CDC42BPG: variants seen among roughly 807,000 people sequenced by gnomAD.
CDC42BPG encodes CDC42 binding protein kinase gamma.
Under a neutral mutation model 192.2 loss-of-function variants are expected in CDC42BPG, and 157 were observed. The observed-to-expected ratio is 0.82, with a 90% confidence interval of 0.72 to 0.93. The LOEUF (loss-of-function observed/expected upper bound fraction) is 0.93. Ranked by LOEUF, CDC42BPG falls within the 40% of genes least tolerant of loss-of-function variation. CDC42BPG has a pLI of 0.00. For synonymous variants in CDC42BPG, 981 were observed against 918.5 expected, an observed-to-expected ratio of 1.07 and a Z score of -1.23; for missense variants, 1,992 against 2,122.1, an observed-to-expected ratio of 0.94 and a Z score of 1.20.
In CDC42BPG at chr11:64,839,483, C is replaced by G; in HGVS notation, c.670G>C (p.Gly224Arg). The change falls in exon 6 of 37, where the codon GGC (glycine) becomes CGC (arginine). Residue 224 changes from glycine to arginine, a missense_variant. This residue lies in a region of CDC42BPG where 1,656 missense variants were observed against 1,844.3 expected (regional missense o/e 0.90). Coordinates refer to ENST00000342711, the MANE Select transcript of CDC42BPG (RefSeq NM_017525.3). The stretch of plus-strand genomic sequence containing the variant: ...CTCTGGGGCGGGGTCCTTACCATGC[C>G]GTTGGTGTTGAGACGCAGGCAGGAG... ...FGSCLRLNTN[G>R]MVDSSVAVGT... 6.2e-7 allele frequency: 1 copy of G among 1,613,124 alleles called. No homozygotes were observed. Among genetic ancestry groups the G allele is most frequent in the Non-Finnish European group, 8.5e-7 (1 of 1,179,920 alleles).
At position 64,824,108 on chromosome 11, in the gene CDC42BPG, T is replaced by C. The variant is rs1336148581; in HGVS notation, c.*365A>G. On this transcript the variant is annotated 3_prime_UTR_variant, in exon 37 of 37. Coordinates refer to ENST00000342711, the MANE Select transcript of CDC42BPG (RefSeq NM_017525.3). ...CAGTCCACAGATAAGACCTCCAACC[T>C]GTTCCCAGAGACCCAGTCCCTCTCC... The C allele has an allele frequency of 3.0e-6, 1 of 335,224 alleles. No homozygotes were observed. The highest frequency in any genetic ancestry group is 5.7e-6 in the Non-Finnish European group (1 of 176,546). The allele number at this position is 335,224 out of a possible 1,614,324, so 20.8% of individuals were successfully genotyped here. A position where few individuals can be genotyped will look rare whatever the true frequency, so the allele number is the denominator to read the frequency against.
At chr11:64,827,911 C>A (rs1592684861) in intron 30 of CDC42BPG, 128 bp from the exon 31 acceptor site, 1 of 709,640 alleles carries the variant, frequency 1.4e-6, no homozygotes, top group East Asian at 2.7e-5. Flanking sequence ...CTCCCTGTCG[C>A]CCGGCCCAGC....
At position 64,833,835 on chromosome 11, in the gene CDC42BPG, T is replaced by A; in HGVS notation, c.2468A>T (p.Lys823Met). 1 of 1,614,250 alleles carries A rather than the reference T, an allele frequency of 6.2e-7. No homozygotes were observed. ...IPFLSFRSSE[K>M]DSAKDPGISG... The stretch of plus-strand genomic sequence containing the variant: ...GATGCCAGGGTCCTTGGCAGAATCC[T>A]TCTGGGGGTGGGAGAGAGAGGAGCA... Residue 823 changes from lysine (K) to methionine (M), a missense_variant and splice_region_variant, in exon 22 of 37, where the codon AAG becomes ATG. By Grantham distance (95) the Lys-to-Met change is moderately conservative. This residue lies in a region of CDC42BPG where 1,656 missense variants were observed against 1,844.3 expected (regional missense o/e 0.90). Transcript: ENST00000342711.
At chr11:64,826,836 AAGG>A (rs1942445408) in intron 34 of CDC42BPG, 42 bp from the exon 35 acceptor site, 3 of 1,468,252 alleles carry the variant, frequency 2.0e-6, no homozygotes, top group South Asian at 1.4e-5. Flanking sequence ...TAGCAGGCAC[AAGG>A]AGGACAAGAG....
At chr11:64,840,429 T>C (rs2136395215) in intron 4 of CDC42BPG, 124 bp downstream of exon 4, 1 of 1,372,250 alleles carries the variant, frequency 7.3e-7, no homozygotes. Flanking sequence ...GCCCAGGAAC[T>C]GGTGGGAAGT....
At chr11:64,832,548 CCT>C (rs1565678537) in intron 26 of CDC42BPG, 39 bp from the exon 27 acceptor site, 2 of 1,613,830 alleles carry the variant, frequency 1.2e-6, no homozygotes, top group African/African-American at 2.7e-5. Context: ...TCTCCCTGTC[CCT>C]GACTGCCCCC....
At position 64,827,943 on chromosome 11, in the gene CDC42BPG, AC is replaced by A. The variant is rs569345312; in HGVS notation, c.3968-161del. 8.1e-4 allele frequency among the ~76,000 whole-genome samples: 123 copies of A among 152,134 alleles called. 1 individual carries two copies. Among genetic ancestry groups the A allele is most frequent in the African/African-American group, 2.9e-3 (120 of 41,492 alleles). On this transcript the variant is annotated intron_variant, in intron 30 of 36. Transcript: ENST00000342711. ...CAGCCTCCACATCAAATCAGAGATA[AC>A]CCTGGACCACTCACCACATGCCTGG...
At position 64,836,105 on chromosome 11, in the gene CDC42BPG, C is replaced by T. The variant is rs776596841; in HGVS notation, c.1668+12G>A. ...GGCCCAGGTGCTGTCCCTACCCACCCTGGTCACTCACCTCCCTCTGGGCAG... is the reference window on the plus strand; with the variant it reads ...GGCCCAGGTGCTGTCCCTACCCACCTTGGTCACTCACCTCCCTCTGGGCAG... On this transcript the variant is annotated intron_variant, in intron 13 of 36. Coordinates refer to ENST00000342711, the MANE Select transcript of CDC42BPG (RefSeq NM_017525.3). 2 of 1,592,638 alleles carry T rather than the reference C, an allele frequency of 1.3e-6. No individual in the cohort carries two copies. Among genetic ancestry groups the T allele is most frequent in the Non-Finnish European group, 1.7e-6 (2 of 1,171,604 alleles).
chr11:64,843,021 G>C (rs1044681664), intron 1 of CDC42BPG, among the ~76,000 whole-genome samples: 1 of 151,908 alleles, frequency 6.6e-6, no homozygotes, highest in Admixed American at 6.6e-5. Context: ...GAGCAGCCCC[G>C]GGCCTCCCCG....
In CDC42BPG at chr11:64,833,508, G is replaced by C. The variant is rs1942807393; in HGVS notation, c.2625+92C>G. ...ACCTCCACCCCAATTGTGCCTGCTA[G>C]CCACGATGCACGTGGAGTGTCCCCA... On this transcript the variant is annotated intron_variant, in intron 23 of 36. Transcript: ENST00000342711. 4 of 1,258,944 alleles carry C rather than the reference G, an allele frequency of 3.2e-6. No individual in the cohort carries two copies. The Admixed American group carries it at 9.1e-5, about 29-fold the overall frequency. 78.0% of individuals were successfully genotyped at this position (1,258,944 alleles called of 1,614,324 possible).
At chr11:64,824,751 TTC>T (rs1438964033) in intron 36 of CDC42BPG, among the ~76,000 whole-genome samples, 1 of 152,020 alleles carries the variant, frequency 6.6e-6, no homozygotes, top group East Asian at 1.9e-4. Context: ...CCTTTTTTTT[TTC>T]TTTTTTTCTG....
rs774455468 is a variant in CDC42BPG, at chr11:64,840,657, G to A, written c.337-9C>T. 5 of 1,613,530 alleles carry A rather than the reference G, an allele frequency of 3.1e-6. No individual in the cohort carries two copies. The South Asian group carries it at 5.5e-5, about 18-fold the overall frequency. On this transcript the variant is annotated splice_polypyrimidine_tract_variant and intron_variant, in intron 3 of 36. Transcript: ENST00000342711. Reference sequence around the variant, plus strand: ...TCCCGGAAACAGGCTGTCTGCAGCAGGTTTGGGGAAGTAAGGGGTGGGGTG... The same window carrying A: ...TCCCGGAAACAGGCTGTCTGCAGCAAGTTTGGGGAAGTAAGGGGTGGGGTG...
At position 64,835,406 on chromosome 11, in the gene CDC42BPG, C is replaced by T; in HGVS notation, c.1894G>A (p.Glu632Lys). Residue 632 changes from glutamate (E) to lysine (K), a missense_variant, in exon 16 of 37, where the codon GAG (glutamate) becomes AAG (lysine). Transcript: ENST00000342711. The part of the protein sequence containing the change: ...QAHSHRPSGK[E>K]EALCQLQEEN... ...TCCTGCAGCTGGCACAGAGCCTCCT[C>T]CTTACCACTCGGCCTGGGGAGGAGA... 1 of 1,613,812 alleles carries T rather than the reference C, an allele frequency of 6.2e-7. No homozygotes were observed. Among genetic ancestry groups the T allele is most frequent in the South Asian group, 1.1e-5 (1 of 91,090 alleles).
Position 64,824,542 on chromosome 11 carries a change from G to A in CDC42BPG, c.4600-13C>T, listed in dbSNP as rs923070483. The A allele has an allele frequency of 1.3e-6, 2 of 1,595,412 alleles. No individual in the cohort carries two copies. Among genetic ancestry groups the A allele is most frequent in the Non-Finnish European group, 1.7e-6 (2 of 1,163,474 alleles). Reference sequence around the variant, plus strand: ...GCCGTTCTGAGACCTGCAGGAGAAAGAAAAGGAAGTCAAGGGGTAGGATCA... The same window carrying A: ...GCCGTTCTGAGACCTGCAGGAGAAAAAAAAGGAAGTCAAGGGGTAGGATCA... On this transcript the variant is annotated splice_polypyrimidine_tract_variant and intron_variant, in intron 36 of 36. Coordinates refer to ENST00000342711, the MANE Select transcript of CDC42BPG (RefSeq NM_017525.3).
Position 64,837,546 on chromosome 11 carries a change from C to T in CDC42BPG, c.1206-527G>A, listed in dbSNP as rs554168132. ...CGCAATCTCAGCTCACTGCAACCTC[C>T]GCCTCCCGCGTTCAAGCGATTCTCG... is the stretch of plus-strand genomic sequence containing the variant. On this transcript the variant is annotated intron_variant, in intron 9 of 36. Coordinates refer to ENST00000342711, the MANE Select transcript of CDC42BPG (RefSeq NM_017525.3). Among the ~76,000 whole-genome samples the T allele has an allele frequency of 7.2e-5, 11 of 152,340 alleles. No homozygotes were observed. The East Asian group carries it at 1.2e-3, about 16-fold the overall frequency.
intron 11 of CDC42BPG, 27 bp downstream of exon 11, chr11:64,836,712 G>GA: frequency 3.8e-6 from 3 of 797,412 alleles, no homozygotes; most frequent in Admixed American, 6.6e-5. Context: ...GCCCTGGGGG[G>GA]GGGGGGGGGG....
rs1555169343 is a variant in CDC42BPG, at chr11:64,826,766, C to T, written c.4418G>A (p.Arg1473His). Residue 1473 changes from arginine to histidine, a missense_variant, in exon 35 of 37, where the codon CGC (arginine) becomes CAC (histidine). Physicochemically the swap from Arg to His is conservative, Grantham distance 29. Transcript: ENST00000342711. Reference protein sequence around the residue: ...PAPEEKGRVARGSGPQRPHSF... With the variant: ...PAPEEKGRVAHGSGPQRPHSF... Reference sequence around the variant, plus strand: ...GTGGGGCCGCTGTGGGCCGGAGCCGCGGGCAACTCGGCCCTTCTCTTCGGG... The same window carrying T: ...GTGGGGCCGCTGTGGGCCGGAGCCGTGGGCAACTCGGCCCTTCTCTTCGGG... 6.6e-7 allele frequency: 1 copy of T among 1,522,674 alleles called. No individual in the cohort carries two copies. Among genetic ancestry groups the T allele is most frequent in the Non-Finnish European group, 8.8e-7 (1 of 1,136,270 alleles). 94.3% of individuals were successfully genotyped at this position (1,522,674 alleles called of 1,614,324 possible).
intron 5 of CDC42BPG, 38 bp from the exon 6 acceptor site, chr11:64,839,609 C>G (rs191566451): frequency 5.1e-6 from 8 of 1,577,476 alleles, no homozygotes; most frequent in Non-Finnish European, 6.0e-6. Context: ...GGCGTTTGAC[C>G]TGTGTGTAAG....
chr11:64,827,436 T>C (rs1942484102), intron 32 of CDC42BPG, 38 bp from the exon 33 acceptor site: 8 of 1,605,990 alleles, frequency 5.0e-6, no homozygotes, highest in African/African-American at 4.0e-5. Context: ...TGCTCACACA[T>C]TCCCGGGGCC....
Sources: gnomAD v4.1 joint callset for allele counts (sites outside exome capture counted in the v4.1 genomes callset) on GRCh38, gnomAD v4.1.1 for gene constraint, gnomAD v4.1.1 regional missense constraint, MANE v1.5 for transcripts, NCBI Gene and HGNC (gene_info 2026-07-23, HGNC 2026-07-21) for gene names.